Variants in MGAT5B observed in about 807,000 individuals in gnomAD.
MGAT5B encodes N-acetylglucosaminyl-transferase Vb.
Under a neutral mutation model 95.1 loss-of-function variants are expected in MGAT5B, and 54 were observed. The ratio of observed to expected loss-of-function variants is 0.57; its 90% CI spans 0.46 to 0.71. The LOEUF is 0.71. MGAT5B is among the 30% of genes least tolerant of loss of function. The probability of loss-of-function intolerance (pLI) is 0.00; values close to 1 mark genes in which losing one functional copy is unlikely to be tolerated. For synonymous variants in MGAT5B, 464 were observed against 451.0 expected, an observed-to-expected ratio of 1.03 and a Z score of -0.36; for missense variants, 935 against 1,088.6, an observed-to-expected ratio of 0.86 and a Z score of 1.99.
In MGAT5B at chr17:76,948,096, C is replaced by CCCCCACCCT; in HGVS notation, c.2180+19_2180+27dup. 1 of 1,569,412 alleles carries CCCCCACCCT rather than the reference C, an allele frequency of 6.4e-7. No homozygotes were observed. The highest frequency in any genetic ancestry group is 2.3e-5 in the East Asian group (1 of 44,404). On this transcript the variant is annotated intron_variant, in intron 17 of 17. Coordinates refer to ENST00000569840, the MANE Select transcript of MGAT5B (RefSeq NM_001199172.2). Reference sequence around the variant, plus strand: ...AGGACGCCTTCCTCAAGTGAGTGTTCCCCCACCCTCCCCACCCAGCCGCTA... The same window carrying CCCCCACCCT: ...AGGACGCCTTCCTCAAGTGAGTGTTCCCCCACCCTCCCCACCCTCCCCACCCAGCCGCTA...
At chr17:76,908,129 T>A (rs183497135) in intron 8 of MGAT5B, among the ~76,000 whole-genome samples, 1 of 152,300 alleles carries the variant, frequency 6.6e-6, no homozygotes, top group East Asian at 1.9e-4. Flanking sequence ...AATTTCTTTA[T>A]GGTTTTTTGG....
intron 15 of MGAT5B, among the ~76,000 whole-genome samples, chr17:76,945,322 C>G (rs1969999073): frequency 6.6e-6 from 1 of 152,192 alleles, no homozygotes; most frequent in Admixed American, 6.5e-5. Flanking sequence ...CAAAGTCTCA[C>G]TCTGTTGCCC....
intron 12 of MGAT5B, among the ~76,000 whole-genome samples, chr17:76,935,827 C>CTATATATTATATACATTATATATACTA (rs1598992996): frequency 2.3e-5 from 3 of 130,952 alleles, no homozygotes; most frequent in East Asian, 4.3e-4. Flanking sequence ...ATTATATATA[C>CTATATATTATATACATTATATATACTA]TATATATTAT....
intron 3 of MGAT5B, among the ~76,000 whole-genome samples, chr17:76,887,554 CTTTTCTTTTTTT>C (rs1277495421): frequency 1.1e-4 from 10 of 92,646 alleles, no homozygotes; most frequent in Non-Finnish European, 1.5e-4. Context: ...TTTCTTTTTT[CTTTTCTTTTTTT>C]TTTTTTTAAC....
intron 3 of MGAT5B, among the ~76,000 whole-genome samples, chr17:76,886,091 G>T (rs1967620275): frequency 6.6e-6 from 1 of 152,188 alleles, no homozygotes; most frequent in African/African-American, 2.4e-5. Flanking sequence ...AGGCAGATTT[G>T]CTTCAAATGG....
At chr17:76,948,117 C>T (rs200270920) in intron 17 of MGAT5B, 31 bp downstream of exon 17, 72 of 1,548,790 alleles carry the variant, frequency 4.6e-5, no homozygotes, top group Admixed American at 1.9e-4. Context: ...CCCACCCAGC[C>T]GCTATCATCG....
chr17:76,877,072 T>A (rs1445826939), intron 2 of MGAT5B, among the ~76,000 whole-genome samples: 2 of 152,084 alleles, frequency 1.3e-5, no homozygotes, highest in East Asian at 3.9e-4. Context: ...ACGCCTGTAA[T>A]CCCAACACTT....
chr17:76,939,130 C>A (rs1194501857), intron 13 of MGAT5B, among the ~76,000 whole-genome samples: 107 of 151,020 alleles, frequency 7.1e-4, no homozygotes, highest in Non-Finnish European at 8.8e-5. Context: ...CCTCACAGAA[C>A]AGCCCTGGAT....
Position 76,869,207 on chromosome 17 carries a change from C to G in MGAT5B, c.68+110C>G, listed in dbSNP as rs1966903233. ...CTGGTGGCAGAGGGGGCGGTTCACA[C>G]TTCAACCCCTGGTGATGACCAGTGG... On this transcript the variant is annotated intron_variant, in intron 1 of 17. Transcript: ENST00000569840. This position sits in a 1 kb window ranked among gnomAD's most constrained non-coding sequence, Gnocchi z 7.0. 3.2e-6 allele frequency: 3 copies of G among 951,904 alleles called. No individual in the cohort carries two copies. Among genetic ancestry groups the G allele is most frequent in the Non-Finnish European group, 5.1e-6 (3 of 588,516 alleles). The allele number at this position is 951,904 out of a possible 1,614,324, so 59.0% of individuals were successfully genotyped here. A position where few individuals can be genotyped will look rare whatever the true frequency, so the allele number is the denominator to read the frequency against.
chr17:76,944,574 G>C (rs1969976963), intron 15 of MGAT5B, among the ~76,000 whole-genome samples: 1 of 152,216 alleles, frequency 6.6e-6, no homozygotes, highest in Non-Finnish European at 1.5e-5. Flanking sequence ...GGTCGGGACA[G>C]GGCTGTGCAG....
intron 8 of MGAT5B, among the ~76,000 whole-genome samples, chr17:76,907,279 A>G (rs1968567372): frequency 6.6e-6 from 1 of 152,128 alleles, no homozygotes; most frequent in Non-Finnish European, 1.5e-5. Context: ...TTGAGCTCCC[A>G]ACCTCTGGTG....
At chr17:76,913,997 C>T (rs1273354647) in intron 8 of MGAT5B, 14 of 340,822 alleles carry the variant, frequency 4.1e-5, no homozygotes, top group South Asian at 1.6e-4. Flanking sequence ...GCTACTCAGG[C>T]GACTGAGGAA....
At chr17:76,924,888 TG>T in intron 8 of MGAT5B, 77 bp from the exon 9 acceptor site, 1 of 1,549,660 alleles carries the variant, frequency 6.5e-7, no homozygotes, top group Non-Finnish European at 8.8e-7. Context: ...CAGTTCATTC[TG>T]GGCTCTAAGG....
chr17:76,873,029 C>T, intron 2 of MGAT5B, 66 bp downstream of exon 2: 1 of 1,566,734 alleles, frequency 6.4e-7, no homozygotes, highest in Non-Finnish European at 8.7e-7. Flanking sequence ...GAGGAAGTGC[C>T]TCTGAGCCTA....
intron 2 of MGAT5B, among the ~76,000 whole-genome samples, chr17:76,877,813 TG>T: frequency 6.7e-6 from 1 of 148,982 alleles, no homozygotes; most frequent in East Asian, 2.0e-4. Context: ...TGGTAAAGGG[TG>T]GGGATGGGGA....
In MGAT5B at chr17:76,905,407, T is replaced by A; in HGVS notation, c.855+74T>A. 7.5e-7 allele frequency: 1 copy of A among 1,326,212 alleles called. No homozygotes were observed. The highest frequency in any genetic ancestry group is 1.0e-6 in the Non-Finnish European group (1 of 984,028). 82.2% of individuals were successfully genotyped at this position (1,326,212 alleles called of 1,614,324 possible). On this transcript the variant is annotated intron_variant, in intron 7 of 17. Coordinates refer to ENST00000569840, the MANE Select transcript of MGAT5B (RefSeq NM_001199172.2). This position sits in a 1 kb window ranked among gnomAD's most constrained non-coding sequence, Gnocchi z 4.2. ...CCCCCACTTCTGAGTGGGCATGGAA[T>A]AGGTCTTCAAACAAGCTGTAGTGGG...
At position 76,932,737 on chromosome 17, in the gene MGAT5B, A is replaced by C; in HGVS notation, c.1384A>C (p.Met462Leu). Residue 462 changes from methionine (M) to leucine (L), a missense_variant, in exon 11 of 18, where the codon ATG becomes CTG. Around this residue, in one of 4 missense-constraint regions of MGAT5B, gnomAD observed 440 missense variants for 523.6 expected, o/e 0.84. Transcript: ENST00000569840. The part of the protein sequence containing the change: ...RLIKGGKASN[M>L]AVVYGKEASI... ...CATCAAAGGCGGCAAGGCCAGCAAC[A>C]TGGCCGTGGTGTACGGCAAGGAGGC... 6.2e-7 allele frequency: 1 copy of C among 1,613,900 alleles called. No homozygotes were observed.
intron 6 of MGAT5B, 39 bp downstream of exon 6, chr17:76,904,461 G>T: frequency 6.5e-7 from 1 of 1,537,130 alleles, no homozygotes; most frequent in East Asian, 2.4e-5. Context: ...AGGGGCTGGT[G>T]TGGCTGGACA....
At chr17:76,882,471 G>A in intron 3 of MGAT5B, 173 bp downstream of exon 3, 1 of 751,486 alleles carries the variant, frequency 1.3e-6, no homozygotes, top group Admixed American at 3.8e-5. Flanking sequence ...TTAACATTTG[G>A]TCACATTTGT....
Sources: gnomAD v4.1 joint callset for allele counts (sites outside exome capture counted in the v4.1 genomes callset) on GRCh38, gnomAD v4.1.1 for gene constraint, gnomAD v4.1.1 regional missense constraint, Gnocchi (gnomAD v3.1) non-coding constraint, MANE v1.5 for transcripts, NCBI Gene and HGNC (gene_info 2026-07-23, HGNC 2026-07-21) for gene names.